The following TNIK variants were observed in gnomAD, a reference collection of about 807,000 sequenced individuals.
The protein encoded by TNIK is TRAF2 and NCK interacting kinase.
TNIK carries 49 observed loss-of-function variants against 191.3 expected under a neutral mutation model. That is an observed-to-expected ratio of 0.26 (90% CI 0.20 to 0.32). The LOEUF (loss-of-function observed/expected upper bound fraction) is 0.32, where lower values mean the gene tolerates loss of function less well. Among genes scored for constraint, TNIK ranks in the 10% least tolerant of loss-of-function variants. The pLI is 1.00. For synonymous variants in TNIK, 594 were observed against 600.9 expected (o/e 0.99, Z 0.17); for missense variants, 1,155 against 1,702.3 (o/e 0.68, Z 5.66).
intron 1 of TNIK, among the ~76,000 whole-genome samples, chr3:171,457,033 T>C (rs568022299): frequency 6.6e-6 from 1 of 152,338 alleles, no homozygotes; most frequent in African/African-American, 2.4e-5. Context: ...TCTACAATTC[T>C]CTTTCCAGCT....
intron 18 of TNIK, among the ~76,000 whole-genome samples, chr3:171,122,549 T>C (rs78440545): frequency 0.011 from 1,739 of 152,348 alleles, 29 homozygotes; most frequent in African/African-American, 0.04. Context: ...ATGTTCTTAG[T>C]ATAGTTTCAT....
At chr3:171,415,513 T>C (rs1005219215) in intron 1 of TNIK, among the ~76,000 whole-genome samples, 5 of 152,084 alleles carry the variant, frequency 3.3e-5, no homozygotes, top group African/African-American at 1.2e-4. Flanking sequence ...AAGATTCTTA[T>C]ACATGAAGCC....
rs1338146411 is a variant in TNIK, at chr3:171,457,101, T to TA, written c.57+2905dup. Among the ~76,000 whole-genome samples the TA allele has an allele frequency of 2.6e-5, 4 of 152,344 alleles. No individual in the cohort carries two copies. The East Asian group carries it at 7.7e-4, about 29-fold the overall frequency. ...CAAGATTTAGTTTATCTCTGAGCTC[T>TA]AAAAATCAGGGCTAAAACTGGATTC... On this transcript the variant is annotated intron_variant, in intron 1 of 32. Coordinates refer to ENST00000436636, the MANE Select transcript of TNIK (RefSeq NM_015028.4).
chr3:171,216,476 TA>T (rs1741467973), intron 3 of TNIK, among the ~76,000 whole-genome samples: 3 of 152,166 alleles, frequency 2.0e-5, no homozygotes, highest in African/African-American at 7.2e-5. Context: ...CTGCATTTCC[TA>T]AGATAAATAG....
At chr3:171,228,463 T>G (rs12488501) in intron 2 of TNIK, among the ~76,000 whole-genome samples, 7,576 of 152,256 alleles carry the variant, frequency 0.05, 293 homozygotes, top group Middle Eastern at 0.11. Context: ...GTTGAACAAT[T>G]TGGTTCTAAC....
chr3:171,451,056 G>A (rs969052425), intron 1 of TNIK, among the ~76,000 whole-genome samples: 2 of 152,204 alleles, frequency 1.3e-5, no homozygotes, highest in African/African-American at 4.8e-5. Context: ...GCCTCTAAGA[G>A]GGCCCTCAGT....
chr3:171,273,643 C>G (rs1017075120), intron 2 of TNIK, among the ~76,000 whole-genome samples: 2 of 152,116 alleles, frequency 1.3e-5, no homozygotes, highest in Non-Finnish European at 2.9e-5. Flanking sequence ...CCATCTGCCC[C>G]CTCTCCACAG....
intron 1 of TNIK, among the ~76,000 whole-genome samples, chr3:171,432,939 A>T (rs1203111736): frequency 6.6e-6 from 1 of 152,190 alleles, no homozygotes; most frequent in African/African-American, 2.4e-5. Context: ...TTTAATTTAA[A>T]ACAAAAAATA....
chr3:171,139,414 A>ACGC (rs58404789), intron 14 of TNIK, 56 bp downstream of exon 14: 6 of 1,506,690 alleles, frequency 4.0e-6, no homozygotes, highest in Non-Finnish European at 4.6e-6. Context: ...ACACACACAC[A>ACGC]AACACTTGCA....
chr3:171,404,797 G>A (rs542207508), intron 1 of TNIK, among the ~76,000 whole-genome samples: 44 of 152,246 alleles, frequency 2.9e-4, no homozygotes, highest in African/African-American at 9.9e-4. Flanking sequence ...ACAGAACTTG[G>A]AGCAGAAACC....
At chr3:171,385,278 A>G (rs1175922654) in intron 1 of TNIK, among the ~76,000 whole-genome samples, 1 of 152,104 alleles carries the variant, frequency 6.6e-6, no homozygotes, top group Non-Finnish European at 1.5e-5. Context: ...GCCCTAGAAG[A>G]AAAGGAATTC....
intron 21 of TNIK, among the ~76,000 whole-genome samples, chr3:171,102,490 T>C (rs1723737374): frequency 6.6e-6 from 1 of 152,162 alleles, no homozygotes; most frequent in South Asian, 2.1e-4. Flanking sequence ...TCCGACTACC[T>C]TTTATTTTAC....
At chr3:171,364,566 G>A (rs890259339) in intron 2 of TNIK, among the ~76,000 whole-genome samples, 12 of 152,236 alleles carry the variant, frequency 7.9e-5, no homozygotes, top group African/African-American at 2.4e-4. Flanking sequence ...ACTAGGGATA[G>A]TGATGGCCTA....
intron 4 of TNIK, among the ~76,000 whole-genome samples, chr3:171,204,277 A>G (rs534444484): frequency 6.6e-6 from 1 of 152,308 alleles, no homozygotes; most frequent in African/African-American, 2.4e-5. Context: ...AAGTAGTTGT[A>G]TTTCCACAAA....
intron 4 of TNIK, among the ~76,000 whole-genome samples, chr3:171,208,953 G>T (rs552208477): frequency 6.6e-6 from 1 of 152,138 alleles, no homozygotes; most frequent in Admixed American, 6.5e-5. Flanking sequence ...CTCCCTATTG[G>T]TTAACTTCTA....
At chr3:171,104,733 ATTTTC>A (rs1202219570) in intron 21 of TNIK, among the ~76,000 whole-genome samples, 3 of 151,964 alleles carry the variant, frequency 2.0e-5, no homozygotes, top group Non-Finnish European at 4.4e-5. Context: ...GTATTAAACT[ATTTTC>A]TTTTTAGGAA....
intron 7 of TNIK, among the ~76,000 whole-genome samples, chr3:171,183,749 T>C (rs1963615): frequency 0.82 from 123,994 of 151,838 alleles, 51,240 homozygotes; most frequent in African/African-American, 0.94. Context: ...AGTGAAACCC[T>C]GTCTCTACTA....
chr3:171,225,797 C>T (rs1742898080), intron 3 of TNIK: 1 of 354,830 alleles, frequency 2.8e-6, no homozygotes, highest in East Asian at 7.6e-5. Context: ...CATTTTATGC[C>T]CCAAGATTAA....
chr3:171,137,615 T>C (rs533730244), intron 15 of TNIK, among the ~76,000 whole-genome samples: 1 of 152,284 alleles, frequency 6.6e-6, no homozygotes, highest in African/African-American at 2.4e-5. Flanking sequence ...GAAAATCCTT[T>C]CTTAGTCTAG....
Sources: gnomAD v4.1 joint callset for allele counts (sites outside exome capture counted in the v4.1 genomes callset) on GRCh38, gnomAD v4.1.1 for gene constraint, MANE v1.5 for transcripts, NCBI Gene and HGNC (gene_info 2026-07-23, HGNC 2026-07-21) for gene names.